Variants in FRMD4B observed in about 807,000 individuals in gnomAD.
FRMD4B encodes the protein FERM domain-containing protein 4B.
Under a neutral mutation model 141.5 loss-of-function variants are expected in FRMD4B, and 74 were observed. The observed-to-expected ratio is 0.52, with a 90% CI of 0.43 to 0.63. The LOEUF (loss-of-function observed/expected upper bound fraction) is 0.63. Ranked by LOEUF, FRMD4B falls within the 30% of genes least tolerant of loss-of-function variation. The probability of loss-of-function intolerance (pLI) is 0.00; values close to 1 mark genes in which losing one functional copy is unlikely to be tolerated. For missense variants in FRMD4B, 1,366 were observed against 1,253.4 expected (o/e 1.09, Z -1.36); for synonymous variants, 506 against 467.9 (o/e 1.08, Z -1.05).
At chr3:69,367,793 G>A (rs1703711312) in intron 1 of FRMD4B, among the ~76,000 whole-genome samples, 1 of 152,182 alleles carries the variant, frequency 6.6e-6, no homozygotes, top group African/African-American at 2.4e-5. Flanking sequence ...GCCATTACAT[G>A]AGAATGTCCT....
chr3:69,408,901 G>A (rs1163485724), intron 2 of FRMD4B, among the ~76,000 whole-genome samples: 1 of 152,144 alleles, frequency 6.6e-6, no homozygotes, highest in Non-Finnish European at 1.5e-5. Flanking sequence ...ACTCAGGTTT[G>A]AAGTCAGATT....
At chr3:69,223,623 G>A (rs2107754592) in intron 8 of FRMD4B, among the ~76,000 whole-genome samples, 1 of 152,290 alleles carries the variant, frequency 6.6e-6, no homozygotes, top group East Asian at 1.9e-4. Flanking sequence ...TAGATTGCCT[G>A]AGGGCAGGAG....
intron 1 of FRMD4B, among the ~76,000 whole-genome samples, chr3:69,327,931 G>A (rs1369379556): frequency 6.6e-6 from 1 of 152,134 alleles, no homozygotes. Flanking sequence ...TTTTTAAATG[G>A]GATTCAGACT....
intron 11 of FRMD4B, among the ~76,000 whole-genome samples, chr3:69,204,720 C>G (rs114718394): frequency 0.013 from 1,958 of 152,186 alleles, 47 homozygotes; most frequent in African/African-American, 0.044. Flanking sequence ...TACAGGCTGT[C>G]GAAGTGACAG....
At chr3:69,414,871 T>G (rs969834523) in intron 2 of FRMD4B, among the ~76,000 whole-genome samples, 6 of 148,294 alleles carry the variant, frequency 4.0e-5, no homozygotes, top group African/African-American at 1.5e-4. Context: ...GTTTTTTTTT[T>G]TTTTTTTTTT....
chr3:69,204,154 C>G (rs1158070662), intron 11 of FRMD4B, among the ~76,000 whole-genome samples: 1 of 152,042 alleles, frequency 6.6e-6, no homozygotes, highest in Non-Finnish European at 1.5e-5. Flanking sequence ...GCCCCAGGTA[C>G]CCAGGAAAGG....
chr3:69,511,647 G>A (rs777232850), intron 1 of FRMD4B, among the ~76,000 whole-genome samples: 3 of 152,132 alleles, frequency 2.0e-5, no homozygotes, highest in Non-Finnish European at 4.4e-5. Flanking sequence ...CTTGTCTAAC[G>A]TGCATCTTGG....
At chr3:69,227,610 C>A (rs374047053) in intron 7 of FRMD4B, among the ~76,000 whole-genome samples, 3 of 150,120 alleles carry the variant, frequency 2.0e-5, no homozygotes, top group African/African-American at 7.4e-5. Context: ...TGCAGTGAGC[C>A]GAGATCGCGC....
At chr3:69,189,245 A>AAAAAAAAAG (rs1553696997) in intron 18 of FRMD4B, among the ~76,000 whole-genome samples, 1 of 148,958 alleles carries the variant, frequency 6.7e-6, no homozygotes, top group African/African-American at 2.5e-5. Context: ...AAAAAAAAAA[A>AAAAAAAAAG]AGAGAGAGAG....
intron 1 of FRMD4B, among the ~76,000 whole-genome samples, chr3:69,442,261 T>C (rs1705353526): frequency 6.6e-6 from 1 of 152,178 alleles, no homozygotes; most frequent in African/African-American, 2.4e-5. Context: ...TTTAAATTTT[T>C]TTTAGAGATG....
intron 4 of FRMD4B, among the ~76,000 whole-genome samples, chr3:69,301,182 G>T (rs1701206601): frequency 6.6e-6 from 1 of 152,180 alleles, no homozygotes; most frequent in Non-Finnish European, 1.5e-5. Context: ...TTTCTAAGAA[G>T]GGGAGCAAAG....
intron 1 of FRMD4B, among the ~76,000 whole-genome samples, chr3:69,314,750 C>T (rs1190233172): frequency 6.6e-6 from 1 of 151,894 alleles, no homozygotes; most frequent in East Asian, 1.9e-4. Context: ...TGGGAGAAAC[C>T]CTTTGGCCTG....
intron 19 of FRMD4B, among the ~76,000 whole-genome samples, chr3:69,185,509 T>G (rs2092756952): frequency 1.3e-5 from 2 of 152,112 alleles, no homozygotes; most frequent in Admixed American, 1.3e-4. Context: ...GTATAACATG[T>G]TCACTGAAAT....
At chr3:69,313,363 G>T in intron 2 of FRMD4B, 89 bp downstream of exon 2, 1 of 810,506 alleles carries the variant, frequency 1.2e-6, no homozygotes, top group Non-Finnish European at 2.1e-6. Flanking sequence ...ATGAGGCTCA[G>T]AGAGGGAACC....
chr3:69,404,782 T>C (rs1704622714), intron 2 of FRMD4B, among the ~76,000 whole-genome samples: 1 of 152,028 alleles, frequency 6.6e-6, no homozygotes, highest in African/African-American at 2.4e-5. Context: ...AGGGTGACAG[T>C]CAGATGGTTC....
At chr3:69,413,982 T>C (rs1449350877) in intron 2 of FRMD4B, among the ~76,000 whole-genome samples, 5 of 152,218 alleles carry the variant, frequency 3.3e-5, no homozygotes, top group African/African-American at 1.2e-4. Context: ...TTCTCGATTC[T>C]GGGATGTTTT....
chr3:69,194,224 T>C (rs1178722446), intron 16 of FRMD4B, among the ~76,000 whole-genome samples: 2 of 152,244 alleles, frequency 1.3e-5, no homozygotes, highest in Admixed American at 6.5e-5. Flanking sequence ...TAAATTTGGG[T>C]TTGATCTTCT....
chr3:69,426,639 G>A (rs1056362576), intron 2 of FRMD4B, among the ~76,000 whole-genome samples: 1 of 152,158 alleles, frequency 6.6e-6, no homozygotes, highest in Non-Finnish European at 1.5e-5. Context: ...TCACAGGAGT[G>A]CCATATTTGT....
chr3:69,237,219 A>G (rs1163184065), intron 7 of FRMD4B, among the ~76,000 whole-genome samples: 1 of 152,204 alleles, frequency 6.6e-6, no homozygotes, highest in African/African-American at 2.4e-5. Context: ...GGAACGGAAG[A>G]GGAGGGAGGG....
Sources: gnomAD v4.1 joint callset for allele counts (sites outside exome capture counted in the v4.1 genomes callset) on GRCh38, gnomAD v4.1.1 for gene constraint, MANE v1.5 for transcripts, NCBI Gene and HGNC (gene_info 2026-07-23, HGNC 2026-07-21) for gene names.